TEKTIP1: variants seen among roughly 807,000 people sequenced by gnomAD.
The protein encoded by TEKTIP1 is tektin bundle-interacting protein 1.
chr19:3,543,653 G>A, the TEKTIP1 span: 8 of 1,543,212 alleles, frequency 5.2e-6, no homozygotes, highest in East Asian at 7.3e-5. Context: ...GCTGTGGAAA[G>A]ACAGGCCAAT....
At chr19:3,541,672 C>T in the TEKTIP1 span, 7 of 985,284 alleles carry the variant, frequency 7.1e-6, no homozygotes, top group Non-Finnish European at 8.4e-6. Flanking sequence ...GAATGGGCTC[C>T]CGCAAGTGTG....
At chr19:3,540,911 C>T in the TEKTIP1 span, among the ~76,000 whole-genome samples, 2 of 147,384 alleles carry the variant, frequency 1.4e-5, no homozygotes, top group African/African-American at 4.9e-5. Flanking sequence ...TGGCTCACGC[C>T]TGTAATCCCC....
the TEKTIP1 span, chr19:3,542,877 G>A: frequency 3.6e-6 from 5 of 1,396,748 alleles, no homozygotes; most frequent in South Asian, 5.7e-5. Flanking sequence ...CTTCCCAGAG[G>A]AAGGGACTTG....
the TEKTIP1 span, chr19:3,543,491 C>CCCCCCCCGG: frequency 1.3e-6 from 2 of 1,516,070 alleles, no homozygotes; most frequent in Non-Finnish European, 1.8e-6. Flanking sequence ...CCCCCCCCCC[C>CCCCCCCCGG]GCCCTGGGCA....
At chr19:3,541,601 A>G in the TEKTIP1 span, 11 of 979,044 alleles carry the variant, frequency 1.1e-5, no homozygotes, top group Admixed American at 6.2e-5. Flanking sequence ...GATTACAGGC[A>G]TGAGCCACCG....
At chr19:3,540,917 T>C in the TEKTIP1 span, among the ~76,000 whole-genome samples, 2 of 144,764 alleles carry the variant, frequency 1.4e-5, no homozygotes, top group African/African-American at 5.0e-5. Context: ...ACGCCTGTAA[T>C]CCCCACATTT....
At chr19:3,541,006 T>C in the TEKTIP1 span, among the ~76,000 whole-genome samples, 1 of 147,330 alleles carries the variant, frequency 6.8e-6, no homozygotes, top group African/African-American at 2.5e-5. Flanking sequence ...CCATCTGTAC[T>C]AAAAGTACAA....
chr19:3,543,405 G>T, the TEKTIP1 span: 1 of 1,547,318 alleles, frequency 6.5e-7, no homozygotes, highest in Non-Finnish European at 8.7e-7. Flanking sequence ...GCCCCGGCCA[G>T]CCCCTTCCGC....
At chr19:3,543,806 G>A in the TEKTIP1 span, 1 of 1,504,570 alleles carries the variant, frequency 6.6e-7, no homozygotes, top group Non-Finnish European at 8.9e-7. Context: ...GGGGGCACAT[G>A]GTGACCCGAG....
At chr19:3,539,353 A>C in the TEKTIP1 span, 2 of 712,850 alleles carry the variant, frequency 2.8e-6, no homozygotes, top group Non-Finnish European at 4.7e-6. Flanking sequence ...GGGGTCTTGC[A>C]CGTGTCACTC....
the TEKTIP1 span, chr19:3,543,378 G>T: frequency 6.5e-7 from 1 of 1,549,368 alleles, no homozygotes; most frequent in Non-Finnish European, 8.7e-7. Context: ...TGGGAAGCCT[G>T]GTACAACCTG....
the TEKTIP1 span, chr19:3,541,772 G>A: frequency 1.0e-6 from 1 of 985,362 alleles, no homozygotes; most frequent in Non-Finnish European, 1.2e-6. Context: ...GCCGACAGCA[G>A]GGGTGAGGGG....
the TEKTIP1 span, chr19:3,542,158 A>G: frequency 2.0e-6 from 2 of 985,396 alleles, no homozygotes; most frequent in Non-Finnish European, 2.4e-6. Context: ...GTGTCTTGCA[A>G]TTCATTTCAA....
the TEKTIP1 span, chr19:3,542,662 T>C: frequency 3.1e-5 from 36 of 1,144,868 alleles, no homozygotes; most frequent in Non-Finnish European, 3.8e-5. Flanking sequence ...TTCGTATTTT[T>C]AGTAGAGATG....
the TEKTIP1 span, chr19:3,542,472 T>C: frequency 1.0e-6 from 1 of 984,670 alleles, no homozygotes; most frequent in Non-Finnish European, 1.2e-6. Flanking sequence ...CATCTTTGAG[T>C]CTCTTGTCTT....
the TEKTIP1 span, among the ~76,000 whole-genome samples, chr19:3,541,394 C>T: frequency 4.0e-5 from 6 of 151,578 alleles, no homozygotes; most frequent in African/African-American, 1.5e-4. Context: ...ATGATCTCAG[C>T]TCACTGCAAC....
the TEKTIP1 span, chr19:3,542,258 C>T: frequency 1.0e-6 from 1 of 985,392 alleles, no homozygotes; most frequent in African/African-American, 1.7e-5. Context: ...TGTAACTGAC[C>T]AGGCTACTCC....
chr19:3,542,789 TC>T, the TEKTIP1 span: 2 of 1,368,752 alleles, frequency 1.5e-6, no homozygotes, highest in African/African-American at 1.5e-5. Context: ...GCCTAGTGGG[TC>T]CCCCAGTCTT....
chr19:3,543,925 A>G, the TEKTIP1 span: 4 of 1,551,018 alleles, frequency 2.6e-6, no homozygotes, highest in Non-Finnish European at 3.5e-6. Context: ...GGCACCACCC[A>G]GAACTACCGG....
Sources: allele counts gnomAD v4.1 joint callset (sites outside exome capture counted in the v4.1 genomes callset), GRCh38; gene constraint gnomAD v4.1.1; transcripts MANE v1.5; gene names NCBI Gene and HGNC (gene_info 2026-07-23, HGNC 2026-07-21).